The following ZNF454 variants were observed in gnomAD, a reference collection of about 807,000 sequenced individuals.
ZNF454 encodes the protein zinc finger protein 454.
A neutral mutation model predicts 48.2 loss-of-function variants in ZNF454; 30 were observed. That is an observed-to-expected ratio of 0.62 (90% confidence interval 0.47 to 0.84). The LOEUF is 0.84. ZNF454 is among the 40% of genes least tolerant of loss of function. The pLI is 0.00. For synonymous variants in ZNF454, 204 were observed against 211.4 expected (o/e 0.97, Z 0.30); for missense variants, 510 against 623.1 (o/e 0.82, Z 1.93).
chr5:178,987,028 G>T, the ZNF454 span: 2 of 1,599,626 alleles, frequency 1.3e-6, no homozygotes, highest in Non-Finnish European at 8.5e-7. Context: ...CAGCCCAGCA[G>T]AGCTGGCCTC....
downstream of ZNF454, among the ~76,000 whole-genome samples, chr5:178,966,958 A>G (rs867963176): frequency 7.2e-5 from 11 of 152,240 alleles, no homozygotes; most frequent in South Asian, 2.1e-4. Flanking sequence ...CACTGCCCCT[A>G]TGGGGAGTGT....
the ZNF454 span, chr5:178,989,299 AC>A: frequency 1.9e-6 from 3 of 1,600,514 alleles, no homozygotes; most frequent in African/African-American, 4.1e-5. Context: ...CTGACTGGGT[AC>A]CTGAGCTGGT....
At chr5:178,958,109 A>G (rs1263345419) in intron 4 of ZNF454, among the ~76,000 whole-genome samples, 2 of 152,182 alleles carry the variant, frequency 1.3e-5, no homozygotes, top group Admixed American at 1.3e-4. Flanking sequence ...TGAAATTTAT[A>G]CAGAAACTGT....
At chr5:178,960,388 G>C (rs1759963926) in intron 4 of ZNF454, among the ~76,000 whole-genome samples, 1 of 151,694 alleles carries the variant, frequency 6.6e-6, no homozygotes, top group South Asian at 2.1e-4. Flanking sequence ...CTCCGGAGTA[G>C]TTGGGATTAC....
the ZNF454 span, chr5:178,988,900 C>T: frequency 2.6e-6 from 4 of 1,556,192 alleles, no homozygotes; most frequent in Middle Eastern, 2.2e-4. This position sits in a 1 kb window ranked among gnomAD's most constrained non-coding sequence, Gnocchi z 6.0. Context: ...CCCCAGCTGT[C>T]CTTCACTGCT....
chr5:178,968,736 C>A (rs1050063549), downstream of ZNF454: 2 of 456,476 alleles, frequency 4.4e-6, no homozygotes, highest in African/African-American at 4.0e-5. Flanking sequence ...TACCTTGAAT[C>A]CCTGAGAAGC....
chr5:178,984,635 CG>C, the ZNF454 span, among the ~76,000 whole-genome samples: 1 of 152,042 alleles, frequency 6.6e-6, no homozygotes, highest in Non-Finnish European at 1.5e-5. Flanking sequence ...CACCTCAGGC[CG>C]GGACGTAGAG....
chr5:178,958,531 C>T (rs1031746415), intron 4 of ZNF454, among the ~76,000 whole-genome samples: 7 of 152,134 alleles, frequency 4.6e-5, no homozygotes, highest in African/African-American at 1.4e-4. Flanking sequence ...AGAGCTATTA[C>T]GAATAGTACC....
chr5:178,956,469 C>T (rs1439385929), intron 4 of ZNF454, among the ~76,000 whole-genome samples: 1 of 150,078 alleles, frequency 6.7e-6, no homozygotes, highest in Admixed American at 6.7e-5. Context: ...ACAGTTCTCC[C>T]GCCCCAGGCA....
At chr5:178,984,512 G>A in the ZNF454 span, among the ~76,000 whole-genome samples, 2 of 152,184 alleles carry the variant, frequency 1.3e-5, no homozygotes, top group East Asian at 3.9e-4. Context: ...AAGATCCCTT[G>A]TATCTGGAAA....
chr5:178,977,215 CA>C, the ZNF454 span, among the ~76,000 whole-genome samples: 1 of 152,140 alleles, frequency 6.6e-6, no homozygotes, highest in African/African-American at 2.4e-5. Flanking sequence ...CTCCAAAATG[CA>C]TATGGTGAGA....
At chr5:178,978,070 G>C in the ZNF454 span, among the ~76,000 whole-genome samples, 1 of 152,166 alleles carries the variant, frequency 6.6e-6, no homozygotes, top group South Asian at 2.1e-4. Flanking sequence ...CTTGTAATAA[G>C]CATCAGTATT....
the ZNF454 span, among the ~76,000 whole-genome samples, chr5:178,972,957 A>G: frequency 2.7e-5 from 4 of 149,904 alleles, no homozygotes; most frequent in Admixed American, 2.7e-4. Context: ...CCTGCCATAG[A>G]CTCTTGTAAC....
intron 4 of ZNF454, among the ~76,000 whole-genome samples, chr5:178,955,462 TG>T (rs1392329824): frequency 6.6e-6 from 1 of 152,264 alleles, no homozygotes; most frequent in Non-Finnish European, 1.5e-5. Flanking sequence ...GATGATGCTG[TG>T]GTTGATAAAA....
At chr5:178,982,846 T>C in the ZNF454 span, 4 of 1,152,450 alleles carry the variant, frequency 3.5e-6, no homozygotes, top group African/African-American at 6.0e-5. Context: ...TTTAATCTCA[T>C]GAATGAATCG....
the ZNF454 span, chr5:178,989,216 C>CA: frequency 8.4e-7 from 1 of 1,183,510 alleles, no homozygotes; most frequent in Non-Finnish European, 1.2e-6. Flanking sequence ...TCCCCACCCT[C>CA]ACCACCCTCC....
the ZNF454 span, among the ~76,000 whole-genome samples, chr5:178,971,970 G>A: frequency 7.9e-5 from 12 of 152,138 alleles, no homozygotes; most frequent in African/African-American, 2.7e-4. Context: ...GTCTCACTCT[G>A]TCACCCAGTC....
Position 178,946,575 on chromosome 5 carries a change from C to A in ZNF454, c.160+90C>A. On this transcript the variant is annotated intron_variant, in intron 3 of 4. Transcript: ENST00000519564. The surrounding 1 kb of genome is among the most constrained non-coding windows in gnomAD (Gnocchi z 4.5). ...CACCATATAGAAGAGTCGGTTGGAC[C>A]AACTGAGGACGCTGTCTTCAAGGGT... The A allele has an allele frequency of 6.8e-7, 1 of 1,480,000 alleles. No individual in the cohort carries two copies. Among genetic ancestry groups the A allele is most frequent in the Non-Finnish European group, 9.0e-7 (1 of 1,107,096 alleles). 91.7% of individuals were successfully genotyped at this position (1,480,000 alleles called of 1,614,324 possible).
chr5:178,946,452 ATGC>A lies in ZNF454; in HGVS notation c.130_132del (p.Leu44del), dbSNP rs2113190610. On this transcript the variant is annotated inframe_deletion, in exon 3 of 5. Transcript: ENST00000519564. The surrounding 1 kb of genome is among the most constrained non-coding windows in gnomAD (Gnocchi z 4.5). Reference sequence around the variant, plus strand: ...CCAGAGGGCCCTGTACAGGGACGTGATGCTGGAGAACTACAGCAACCTGGTCTC... The same window carrying A: ...CCAGAGGGCCCTGTACAGGGACGTGATGGAGAACTACAGCAACCTGGTCTC... 1.2e-6 allele frequency: 2 copies of A among 1,605,154 alleles called. No individual in the cohort carries two copies. The highest frequency in any genetic ancestry group is 4.5e-5 in the East Asian group (2 of 44,806).
Sources: gnomAD v4.1 joint callset for allele counts (sites outside exome capture counted in the v4.1 genomes callset) on GRCh38, gnomAD v4.1.1 for gene constraint, Gnocchi (gnomAD v3.1) non-coding constraint, MANE v1.5 for transcripts, NCBI Gene and HGNC (gene_info 2026-07-23, HGNC 2026-07-21) for gene names.